The following SEMA6A variants were observed in gnomAD, a reference collection of about 807,000 sequenced individuals.
The protein encoded by SEMA6A is semaphorin-6A.
A neutral mutation model predicts 96.8 loss-of-function variants in SEMA6A; 25 were observed. The observed-to-expected ratio is 0.26, with a 90% CI of 0.19 to 0.36. SEMA6A has a LOEUF of 0.36. SEMA6A is among the 10% of genes least tolerant of loss of function. The pLI is 1.00. For missense variants in SEMA6A, 1,363 were observed against 1,323.1 expected, an observed-to-expected ratio of 1.03 and a Z score of -0.47; for synonymous variants, 612 against 518.0, an observed-to-expected ratio of 1.18 and a Z score of -2.46.
chr5:116,482,714 C>A (rs533451175), intron 10 of SEMA6A, 139 bp from the exon 11 acceptor site: 201 of 736,208 alleles, frequency 2.7e-4, no homozygotes, highest in Middle Eastern at 8.5e-4. Context: ...TATAAGGGAT[C>A]TTAGTACACA....
chr5:116,446,508 G>A lies in SEMA6A; in HGVS notation c.*105C>T. The A allele has an allele frequency of 1.0e-6, 1 of 980,780 alleles. No individual in the cohort carries two copies. The highest frequency in any genetic ancestry group is 1.4e-6 in the Non-Finnish European group (1 of 689,920). The allele number at this position is 980,780 out of a possible 1,614,324, so 60.8% of individuals were successfully genotyped here. On this transcript the variant is annotated 3_prime_UTR_variant, in exon 19 of 19. Transcript: ENST00000343348. ...CCCAGCGTCCTCGGCTCTGCCGCAG[G>A]CCTTCTTGGTCTGGTGGGTACTCGA...
At chr5:116,562,952 TC>T (rs973606550) in intron 1 of SEMA6A, 48 of 561,150 alleles carry the variant, frequency 8.6e-5, no homozygotes, top group Non-Finnish European at 1.0e-4. Context: ...ATAGAGGACG[TC>T]CCCCCCATCC....
At chr5:116,572,037 C>T (rs1040691958) in intron 1 of SEMA6A, among the ~76,000 whole-genome samples, 1 of 152,120 alleles carries the variant, frequency 6.6e-6, no homozygotes, top group Non-Finnish European at 1.5e-5. Context: ...AGGGGAAGGA[C>T]GACGAACAAT....
At chr5:116,464,402 C>A (rs940587302) in intron 18 of SEMA6A, among the ~76,000 whole-genome samples, 1 of 152,130 alleles carries the variant, frequency 6.6e-6, no homozygotes, top group African/African-American at 2.4e-5. Flanking sequence ...GCAGCAAGGA[C>A]AAGAGACATT....
intron 1 of SEMA6A, among the ~76,000 whole-genome samples, chr5:116,530,426 C>T (rs551586120): frequency 6.6e-6 from 1 of 152,152 alleles, no homozygotes; most frequent in African/African-American, 2.4e-5. Flanking sequence ...GATAAATGTC[C>T]TTTCCCATGT....
chr5:116,452,808 C>T (rs1399078300), intron 18 of SEMA6A, among the ~76,000 whole-genome samples: 3 of 152,188 alleles, frequency 2.0e-5, no homozygotes, highest in East Asian at 3.8e-4. Context: ...TCTTTATTAT[C>T]ACTCTCCTAG....
chr5:116,484,709 G>A (rs1211285566), intron 10 of SEMA6A, among the ~76,000 whole-genome samples: 9 of 152,204 alleles, frequency 5.9e-5, no homozygotes, highest in African/African-American at 2.2e-4. Context: ...TATGAAAGAA[G>A]TATGCACAAG....
rs370571724 is a variant in SEMA6A, at chr5:116,476,448, G to A, written c.1650-845C>T. On this transcript the variant is annotated intron_variant, in intron 15 of 18. Transcript: ENST00000343348. ...TCACAGCTTGATCTAATAATCCACC[G>A]TGTTTGGTTTCTAATCTTTTTTGCC... 1.2e-4 allele frequency among the ~76,000 whole-genome samples: 19 copies of A among 152,136 alleles called. No individual in the cohort carries two copies. In the South Asian group the frequency reaches 3.7e-3, roughly 30 times the overall value.
chr5:116,490,040 G>A (rs557305371), intron 7 of SEMA6A, among the ~76,000 whole-genome samples: 1 of 152,062 alleles, frequency 6.6e-6, no homozygotes, highest in South Asian at 2.1e-4. Flanking sequence ...AAACATAATG[G>A]TTTATTGTTT....
chr5:116,467,900 GGT>G, intron 17 of SEMA6A, 153 bp from the exon 18 acceptor site: 2 of 695,728 alleles, frequency 2.9e-6, no homozygotes, highest in Non-Finnish European at 4.8e-6. Flanking sequence ...TGGTGGTGGT[GGT>G]GGTGGTGGTG....
chr5:116,564,625 C>T (rs1237850682), intron 1 of SEMA6A, among the ~76,000 whole-genome samples: 1 of 152,168 alleles, frequency 6.6e-6, no homozygotes, highest in African/African-American at 2.4e-5. Flanking sequence ...CAGCAATTTA[C>T]TCCCCAAATC....
intron 1 of SEMA6A, among the ~76,000 whole-genome samples, chr5:116,558,339 G>C (rs944622423): frequency 2.0e-5 from 3 of 152,082 alleles, no homozygotes; most frequent in Admixed American, 2.0e-4. Flanking sequence ...TGAATGTGCA[G>C]GTTTGTTACA....
chr5:116,559,551 C>G (rs766766059), intron 1 of SEMA6A, among the ~76,000 whole-genome samples: 6 of 152,158 alleles, frequency 3.9e-5, no homozygotes, highest in African/African-American at 1.4e-4. Context: ...TACTCCACAC[C>G]GCCTTGTGTT....
Position 116,488,112 on chromosome 5 carries a change from C to G in SEMA6A, c.740G>C (p.Gly247Ala), listed in dbSNP as rs759388280. The change falls in exon 9 of 19, where the codon GGA becomes GCA. Residue 247 changes from glycine (G) to alanine (A), a missense_variant. This residue lies in a region of SEMA6A where 480 missense variants were observed against 559.5 expected (regional missense o/e 0.86). Transcript: ENST00000343348. ...AAGGACAGCATCCCCTCTTACCTTT[C>G]CCATGGTGTTATACTCCACTGCTAT... is the stretch of plus-strand genomic sequence containing the variant. Reference protein sequence around the residue: ...REIAVEYNTMGKVVFPRVAQV... With the variant: ...REIAVEYNTMAKVVFPRVAQV... 7.5e-6 allele frequency: 12 copies of G among 1,600,182 alleles called. No individual in the cohort carries two copies. Among genetic ancestry groups the G allele is most frequent in the African/African-American group, 1.3e-5 (1 of 74,632 alleles).
chr5:116,556,418 T>C (rs925143716), intron 1 of SEMA6A, among the ~76,000 whole-genome samples: 3 of 152,212 alleles, frequency 2.0e-5, no homozygotes, highest in Admixed American at 1.3e-4. Flanking sequence ...TAGCTCATTA[T>C]ATTAGGAGGG....
intron 1 of SEMA6A, among the ~76,000 whole-genome samples, chr5:116,524,003 CA>C (rs1759091472): frequency 6.6e-6 from 1 of 152,282 alleles, no homozygotes; most frequent in South Asian, 2.1e-4. Context: ...TGTCCAATAA[CA>C]ACTGGACATT....
At chr5:116,505,070 A>G in intron 1 of SEMA6A, 88 bp from the exon 2 acceptor site, 1 of 622,288 alleles carries the variant, frequency 1.6e-6, no homozygotes, top group Non-Finnish European at 2.8e-6. Context: ...AATTCGAGAG[A>G]AAAAAAGGCT....
chr5:116,481,895 C>T (rs533982231), intron 11 of SEMA6A, among the ~76,000 whole-genome samples: 11 of 152,152 alleles, frequency 7.2e-5, no homozygotes, highest in Non-Finnish European at 1.5e-5. Flanking sequence ...TGTATTTGGA[C>T]CCAAAACAGA....
chr5:116,566,533 TAC>T (rs897435987), intron 1 of SEMA6A, among the ~76,000 whole-genome samples: 1 of 152,192 alleles, frequency 6.6e-6, no homozygotes, highest in African/African-American at 2.4e-5. Context: ...TGTTTCCACT[TAC>T]AGAGTTTGAG....
Sources: allele counts gnomAD v4.1 joint callset (sites outside exome capture counted in the v4.1 genomes callset), GRCh38; gene constraint gnomAD v4.1.1; regional missense constraint gnomAD v4.1.1; transcripts MANE v1.5; gene names NCBI Gene and HGNC (gene_info 2026-07-23, HGNC 2026-07-21).